The following EPHB1 variants were observed in gnomAD, a reference collection of about 807,000 sequenced individuals.
EPHB1 encodes the protein EPH receptor B1, also known as ephrin type-B receptor 1.
A neutral mutation model predicts 94.4 loss-of-function variants in EPHB1; 30 were observed. The observed-to-expected ratio is 0.32, with a 90% CI of 0.24 to 0.43. The LOEUF (loss-of-function observed/expected upper bound fraction) is 0.43. Among genes scored for constraint, EPHB1 ranks in the 20% least tolerant of loss-of-function variants. The pLI is 1.00. For synonymous variants in EPHB1, 522 were observed against 489.1 expected, an observed-to-expected ratio of 1.07 and a Z score of -0.89; for missense variants, 1,055 against 1,308.3, an observed-to-expected ratio of 0.81 and a Z score of 2.99.
intron 3 of EPHB1, among the ~76,000 whole-genome samples, chr3:135,003,569 T>C (rs1261407859): frequency 6.6e-6 from 1 of 151,880 alleles, no homozygotes; most frequent in African/African-American, 2.4e-5. Context: ...TGTTAAAGTC[T>C]CCCATTATTA....
intron 4 of EPHB1, 123 bp from the exon 5 acceptor site, chr3:135,132,591 T>G: frequency 1.3e-6 from 1 of 774,198 alleles, no homozygotes; most frequent in Non-Finnish European, 2.0e-6. Context: ...CCATTTGGGG[T>G]TGAGGAAGGA....
chr3:135,163,826 C>T (rs1206356735), intron 7 of EPHB1, among the ~76,000 whole-genome samples: 2 of 152,136 alleles, frequency 1.3e-5, no homozygotes, highest in Non-Finnish European at 2.9e-5. Context: ...ATTTGTCTTA[C>T]GACTGAGGTT....
At chr3:135,023,482 A>G (rs1430822872) in intron 3 of EPHB1, among the ~76,000 whole-genome samples, 3 of 152,144 alleles carry the variant, frequency 2.0e-5, no homozygotes, top group Non-Finnish European at 4.4e-5. Context: ...AGAAATTGTT[A>G]AATATTTCCT....
At chr3:135,156,103 G>A (rs900160402) in intron 6 of EPHB1, among the ~76,000 whole-genome samples, 23 of 152,138 alleles carry the variant, frequency 1.5e-4, no homozygotes, top group Middle Eastern at 3.4e-3. Context: ...CGATGTAGCC[G>A]GCACTGACTG....
At chr3:134,955,920 C>A (rs2107718579) in intron 3 of EPHB1, among the ~76,000 whole-genome samples, 1 of 152,338 alleles carries the variant, frequency 6.6e-6, no homozygotes, top group Middle Eastern at 3.4e-3. Context: ...CTTCCCTTCT[C>A]CCCTCTTCCC....
intron 4 of EPHB1, among the ~76,000 whole-genome samples, chr3:135,126,315 A>G (rs960985799): frequency 6.6e-6 from 1 of 152,218 alleles, no homozygotes; most frequent in African/African-American, 2.4e-5. Flanking sequence ...TTGAGTATCA[A>G]GTGTCCTTCC....
In EPHB1 at chr3:135,129,929, G is replaced by C. The variant is rs76587627; in HGVS notation, c.962-2785G>C. ...ACATTTCTATTAGCCAAAATATGAGGGGTGAAGGTCAACTGCCAGGGATGA... is the reference window on the plus strand; with the variant it reads ...ACATTTCTATTAGCCAAAATATGAGCGGTGAAGGTCAACTGCCAGGGATGA... On this transcript the variant is annotated intron_variant, in intron 4 of 15. Coordinates refer to ENST00000398015, the MANE Select transcript of EPHB1 (RefSeq NM_004441.5). Among the ~76,000 whole-genome samples, 107 of 152,250 alleles carry C rather than the reference G, an allele frequency of 7.0e-4. 1 individual carries two copies. In the East Asian group the frequency reaches 0.02, roughly 28 times the overall value.
chr3:135,247,757 G>A (rs1943961823), intron 13 of EPHB1, among the ~76,000 whole-genome samples: 1 of 152,194 alleles, frequency 6.6e-6, no homozygotes, highest in South Asian at 2.1e-4. Flanking sequence ...GCCTCATGAG[G>A]AATATGGCAA....
At chr3:134,835,262 A>G (rs2036652058) in intron 1 of EPHB1, among the ~76,000 whole-genome samples, 2 of 152,346 alleles carry the variant, frequency 1.3e-5, no homozygotes, top group African/African-American at 4.8e-5. Flanking sequence ...GAAACTCCAG[A>G]GAAACAAGTT....
At chr3:135,200,757 C>A (rs1942729636) in intron 11 of EPHB1, among the ~76,000 whole-genome samples, 1 of 152,076 alleles carries the variant, frequency 6.6e-6, no homozygotes, top group South Asian at 2.1e-4. Flanking sequence ...TAAGAGTATG[C>A]ACTAAACATT....
At chr3:135,094,420 G>A (rs1938677877) in intron 3 of EPHB1, among the ~76,000 whole-genome samples, 1 of 152,040 alleles carries the variant, frequency 6.6e-6, no homozygotes, top group African/African-American at 2.4e-5. Context: ...TGTCTGTGGG[G>A]GCAGATCGAC....
rs572037726 is a variant in EPHB1, at chr3:135,140,392, G to A, written c.1297+7343G>A. Among the ~76,000 whole-genome samples the A allele has an allele frequency of 8.9e-4, 136 of 152,282 alleles. 2 individuals carry two copies. Among genetic ancestry groups the A allele is most frequent in the Non-Finnish European group, 1.4e-3 (96 of 68,014 alleles). ...TGTTGACTATTGTGTCCAGATAGGC[G>A]TCTAGTTGGGTACCTGAAATATAGA... On this transcript the variant is annotated intron_variant, in intron 5 of 15. Coordinates refer to ENST00000398015, the MANE Select transcript of EPHB1 (RefSeq NM_004441.5).
At chr3:134,855,023 T>G (rs952854692) in intron 1 of EPHB1, among the ~76,000 whole-genome samples, 2 of 152,220 alleles carry the variant, frequency 1.3e-5, no homozygotes, top group African/African-American at 4.8e-5. Context: ...AACACACATA[T>G]GTGGGCATAT....
rs190981469 is a variant in EPHB1 at position 134,873,564 on chromosome 3, A to G, written c.59-52252A>G. Among the ~76,000 whole-genome samples the G allele has an allele frequency of 2.1e-3, 323 of 152,342 alleles. 1 individual carries two copies. The highest frequency in any genetic ancestry group is 0.01 in the Middle Eastern group (3 of 294). On this transcript the variant is annotated intron_variant, in intron 1 of 15. Transcript: ENST00000398015. ...ACTTGTTACACGCTGTTGTTAATTTACAAGGTTCTTCTTTGAGCTGTCTGT... is the reference window on the plus strand; with the variant it reads ...ACTTGTTACACGCTGTTGTTAATTTGCAAGGTTCTTCTTTGAGCTGTCTGT...
chr3:135,156,596 T>A (rs1941363544), intron 6 of EPHB1, among the ~76,000 whole-genome samples: 1 of 152,178 alleles, frequency 6.6e-6, no homozygotes, highest in South Asian at 2.1e-4. Context: ...TGTAAGGAGG[T>A]ATGCCCTTCA....
At chr3:134,874,470 C>A (rs1443937282) in intron 1 of EPHB1, among the ~76,000 whole-genome samples, 1 of 152,126 alleles carries the variant, frequency 6.6e-6, no homozygotes, top group Non-Finnish European at 1.5e-5. Context: ...ACATGTATCC[C>A]CCCTTTTTTA....
intron 3 of EPHB1, among the ~76,000 whole-genome samples, chr3:135,018,163 G>T (rs1442482524): frequency 6.6e-6 from 1 of 152,128 alleles, no homozygotes; most frequent in Non-Finnish European, 1.5e-5. Flanking sequence ...CCAAAATGCA[G>T]GGTGCTTGTA....
intron 3 of EPHB1, among the ~76,000 whole-genome samples, chr3:134,962,863 T>A (rs1933575281): frequency 6.6e-6 from 1 of 151,422 alleles, no homozygotes; most frequent in African/African-American, 2.4e-5. Flanking sequence ...CAGCCCCAAA[T>A]CAGTCTCATC....
chr3:135,105,317 G>C (rs1490852097), intron 3 of EPHB1, among the ~76,000 whole-genome samples: 1 of 152,186 alleles, frequency 6.6e-6, no homozygotes, highest in Non-Finnish European at 1.5e-5. Flanking sequence ...GTTTTCAGCA[G>C]GAACAGTAAA....
Sources: allele counts gnomAD v4.1 joint callset (sites outside exome capture counted in the v4.1 genomes callset), GRCh38; gene constraint gnomAD v4.1.1; transcripts MANE v1.5; gene names NCBI Gene and HGNC (gene_info 2026-07-23, HGNC 2026-07-21).